The following CFTR variants were observed in gnomAD, a reference collection of about 807,000 sequenced individuals.
CFTR encodes CF transmembrane conductance regulator.
CFTR carries 181 observed loss-of-function variants against 171.6 expected under a neutral mutation model. That is an observed-to-expected ratio of 1.05 (90% confidence interval 0.93 to 1.19). CFTR has a LOEUF of 1.19. CFTR is among the 50% of genes most tolerant of loss of function. The probability of loss-of-function intolerance (pLI) is 0.00; values close to 1 mark genes in which losing one functional copy is unlikely to be tolerated. For missense variants in CFTR, 1,968 were observed against 1,734.7 expected (o/e 1.13, Z -2.39); for synonymous variants, 583 against 608.0 (o/e 0.96, Z 0.60).
intron 3 of CFTR, among the ~76,000 whole-genome samples, chr7:117,511,714 C>T (rs1272490235): frequency 1.3e-5 from 2 of 152,158 alleles, no homozygotes; most frequent in East Asian, 3.8e-4. Context: ...CACGCTGACA[C>T]CATGCAGTTT....
At chr7:117,663,643 T>C (rs572609071) in intron 24 of CFTR, among the ~76,000 whole-genome samples, 6 of 152,224 alleles carry the variant, frequency 3.9e-5, no homozygotes, top group African/African-American at 1.4e-4. Flanking sequence ...CACAGTGTTA[T>C]GGGCCATTTC....
chr7:117,482,683 A>G (rs994385373), intron 1 of CFTR, among the ~76,000 whole-genome samples: 5 of 152,236 alleles, frequency 3.3e-5, no homozygotes, highest in African/African-American at 1.2e-4. Flanking sequence ...ATAAATGGTC[A>G]CCAACAGAGA....
intron 14 of CFTR, among the ~76,000 whole-genome samples, chr7:117,593,832 G>A (rs1013570065): frequency 2.6e-5 from 4 of 152,220 alleles, no homozygotes; most frequent in Admixed American, 6.5e-5. Context: ...CTGACCTTGT[G>A]ATCCACCCAC....
chr7:117,584,982 A>G (rs1791908315), intron 11 of CFTR, among the ~76,000 whole-genome samples: 1 of 150,188 alleles, frequency 6.7e-6, no homozygotes, highest in African/African-American at 2.4e-5. Context: ...AAAGGGATTG[A>G]GTTCTTGATT....
Position 117,664,835 on chromosome 7 carries a change from G to T in CFTR, c.4111G>T (p.Glu1371Ter), listed in dbSNP as rs397508675. The T allele has an allele frequency of 1.9e-6, 3 of 1,614,006 alleles. No individual in the cohort carries two copies. The highest frequency in any genetic ancestry group is 2.5e-6 in the Non-Finnish European group (3 of 1,179,910). The change falls in exon 25 of 27, where the codon GAA (glutamate) becomes TAA (stop). Residue 1371 changes from glutamate (E) to a stop codon, truncating the protein, a stop_gained. Transcript: ENST00000003084. LOFTEE classifies it high-confidence loss of function. ...TAAGGCGAAGATCTTGCTGCTTGAT[G>T]AACCCAGTGCTCATTTGGATCCAGT... ...LSKAKILLLD[E>*]PSAHLDPVTY...
In CFTR at chr7:117,540,239, T is replaced by C. The variant is rs771716655; in HGVS notation, c.1009T>C (p.Phe337Leu). The C allele has an allele frequency of 6.2e-7, 1 of 1,614,144 alleles. No individual in the cohort carries two copies. Among genetic ancestry groups the C allele is most frequent in the South Asian group, 1.1e-5 (1 of 91,078 alleles). ...LIKGIILRKI[F>L]TTISFCIVLR... is the part of the protein sequence containing the mutation. ...CAAAGGAATCATCCTCCGGAAAATA[T>C]TCACCACCATCTCATTCTGCATTGT... The change falls in exon 8 of 27, where the codon TTC (phenylalanine) becomes CTC (leucine). Residue 337 changes from phenylalanine (F) to leucine (L), a missense_variant. Phe to Leu is a conservative substitution (Grantham distance 22). Transcript: ENST00000003084.
intron 1 of CFTR, among the ~76,000 whole-genome samples, chr7:117,499,429 CTGTGTGTG>C (rs56985019): frequency 5.9e-4 from 80 of 135,924 alleles, no homozygotes; most frequent in African/African-American, 2.0e-3. Flanking sequence ...ATAGTTTCAT[CTGTGTGTG>C]TGTGTGTGTG....
intron 2 of CFTR, among the ~76,000 whole-genome samples, chr7:117,508,055 C>T (rs1380912343): frequency 2.6e-5 from 4 of 152,182 alleles, no homozygotes; most frequent in Admixed American, 2.6e-4. Context: ...GGATTAGTGG[C>T]GTGAGCCACT....
chr7:117,520,298 A>T (rs1584780845), intron 3 of CFTR, among the ~76,000 whole-genome samples: 2 of 142,406 alleles, frequency 1.4e-5, no homozygotes, highest in Non-Finnish European at 1.5e-5. Context: ...TAAAAGCTTT[A>T]ATTTTTGAAA....
chr7:117,536,251 G>A (rs1472936203), intron 6 of CFTR, among the ~76,000 whole-genome samples: 1 of 152,124 alleles, frequency 6.6e-6, no homozygotes, highest in East Asian at 1.9e-4. Context: ...CCTTAGTCAA[G>A]CCACTTCACC....
Position 117,646,158 on chromosome 7 carries a change from T to A in CFTR, c.3873+3565T>A, listed in dbSNP as rs761710961. Among the ~76,000 whole-genome samples, 41 of 152,146 alleles carry A rather than the reference T, an allele frequency of 2.7e-4. 1 individual carries two copies. Among genetic ancestry groups the A allele is most frequent in the Non-Finnish European group, 3.5e-4 (24 of 68,022 alleles). The stretch of plus-strand genomic sequence containing the variant: ...AATGAGTATAATGGTAGTAACTAAT[T>A]CATTGTGTTTTTGTGAGGATTAAAT... On this transcript the variant is annotated intron_variant, in intron 23 of 26. Coordinates refer to ENST00000003084, the MANE Select transcript of CFTR (RefSeq NM_000492.4).
At chr7:117,635,475 A>T (rs182798618) in intron 22 of CFTR, among the ~76,000 whole-genome samples, 1 of 152,086 alleles carries the variant, frequency 6.6e-6, no homozygotes. Flanking sequence ...AACATCTACT[A>T]TATTTATTAC....
At chr7:117,588,281 C>A (rs1016026085) in intron 12 of CFTR, among the ~76,000 whole-genome samples, 1 of 152,026 alleles carries the variant, frequency 6.6e-6, no homozygotes, top group Non-Finnish European at 1.5e-5. Context: ...CAAATGATGT[C>A]ACTTGGCTTA....
At chr7:117,499,260 A>G (rs1798283836) in intron 1 of CFTR, among the ~76,000 whole-genome samples, 1 of 152,124 alleles carries the variant, frequency 6.6e-6, no homozygotes, top group African/African-American at 2.4e-5. Flanking sequence ...AGTCAGATCG[A>G]AAAATGAGTA....
intron 11 of CFTR, among the ~76,000 whole-genome samples, chr7:117,580,646 T>A (rs1276742969): frequency 6.6e-6 from 1 of 152,004 alleles, no homozygotes; most frequent in Non-Finnish European, 1.5e-5. Context: ...TCACATAGCA[T>A]CTAATAAACG....
At chr7:117,533,509 A>G (rs1041557208) in intron 4 of CFTR, among the ~76,000 whole-genome samples, 1 of 152,176 alleles carries the variant, frequency 6.6e-6, no homozygotes, top group African/African-American at 2.4e-5. Context: ...TGAGGCATCA[A>G]GTACAGTGAT....
chr7:117,629,616 A>G (rs1267994008), intron 22 of CFTR, among the ~76,000 whole-genome samples: 1 of 152,226 alleles, frequency 6.6e-6, no homozygotes, highest in Non-Finnish European at 1.5e-5. Flanking sequence ...TGTTTGGGAA[A>G]TCAGGCTGTC....
Position 117,530,915 on chromosome 7 carries a change from T to C in CFTR, c.290T>C (p.Val97Ala), listed in dbSNP as rs1235363099. 1.2e-6 allele frequency: 2 copies of C among 1,612,336 alleles called. No homozygotes were observed. Among genetic ancestry groups the C allele is most frequent in the Admixed American group, 1.7e-5 (1 of 59,890 alleles). ...FLYLGEVTKA[V>A]QPLLLGRIIA... is the part of the protein sequence containing the mutation. ...CTTTTGTAGGAAGTCACCAAAGCAG[T>C]ACAGCCTCTCTTACTGGGAAGAATC... Residue 97 changes from valine (V) to alanine (A), a missense_variant, in exon 4 of 27, where the codon GTA (valine) becomes GCA (alanine). By Grantham distance (64) the Val-to-Ala change is moderately conservative. Coordinates refer to ENST00000003084, the MANE Select transcript of CFTR (RefSeq NM_000492.4).
At chr7:117,501,786 A>AC (rs546259135) in intron 1 of CFTR, among the ~76,000 whole-genome samples, 7,003 of 140,552 alleles carry the variant, frequency 0.05, 240 homozygotes, top group African/African-American at 0.11. Flanking sequence ...CAAAAAAAAA[A>AC]AAAAAACAAA....
Sources: allele counts gnomAD v4.1 joint callset (sites outside exome capture counted in the v4.1 genomes callset), GRCh38; gene constraint gnomAD v4.1.1; transcripts MANE v1.5; gene names NCBI Gene and HGNC (gene_info 2026-07-23, HGNC 2026-07-21).